The following TFAP2B variants were observed in gnomAD, a reference collection of about 807,000 sequenced individuals.
The protein encoded by TFAP2B is transcription factor AP-2-beta.
TFAP2B carries 9 observed loss-of-function variants against 44.3 expected under a neutral mutation model. The observed-to-expected ratio is 0.20, with a 90% CI of 0.12 to 0.35. The LOEUF is 0.35. TFAP2B is among the 10% of genes least tolerant of loss of function. The pLI is 1.00. For synonymous variants in TFAP2B, 270 were observed against 263.8 expected (o/e 1.02, Z -0.23); for missense variants, 509 against 600.0 (o/e 0.85, Z 1.59).
chr6:50,825,841 C>T (rs1256871017), intron 2 of TFAP2B, among the ~76,000 whole-genome samples: 1 of 152,074 alleles, frequency 6.6e-6, no homozygotes, highest in Non-Finnish European at 1.5e-5. Context: ...CCGGGAGGCC[C>T]ACGGGACCTT....
At chr6:50,835,969 G>C in intron 3 of TFAP2B, 92 bp from the exon 4 acceptor site, 1 of 1,035,734 alleles carries the variant, frequency 9.7e-7, no homozygotes, top group Non-Finnish European at 1.5e-6. Flanking sequence ...CTTGGTGTCT[G>C]TCCTGTGGCC....
intron 3 of TFAP2B, among the ~76,000 whole-genome samples, chr6:50,833,660 A>T (rs1213905828): frequency 6.6e-6 from 1 of 152,242 alleles, no homozygotes; most frequent in Non-Finnish European, 1.5e-5. Flanking sequence ...AGCAATATAC[A>T]TTCCCCAAAG....
At chr6:50,836,441 C>T (rs1046522837) in intron 4 of TFAP2B, among the ~76,000 whole-genome samples, 161 bp downstream of exon 4, 2 of 152,234 alleles carry the variant, frequency 1.3e-5, no homozygotes. Context: ...TTTCGCGCAG[C>T]GCTTGGGAGG....
chr6:50,818,446 G>A (rs1029561157), upstream of TFAP2B, among the ~76,000 whole-genome samples: 1 of 152,082 alleles, frequency 6.6e-6, no homozygotes. Context: ...TAGAAAATAG[G>A]GGACTGATGG....
upstream of TFAP2B, chr6:50,818,630 T>C (rs1378242800): frequency 1.5e-5 from 7 of 475,596 alleles, no homozygotes; most frequent in Admixed American, 1.0e-4. Flanking sequence ...CTTATATAAC[T>C]ATATGTGGGT....
At chr6:50,823,324 G>C (rs950801420) in intron 1 of TFAP2B, 83 bp from the exon 2 acceptor site, 2 of 1,222,718 alleles carry the variant, frequency 1.6e-6, no homozygotes, top group South Asian at 1.3e-5. Context: ...CTTCCTCTCT[G>C]TACTCTCTGT....
rs749248308 is a variant in TFAP2B, at chr6:50,843,314, C to G, written c.1305C>G (p.Asn435Lys). Residue 435 changes from asparagine (N) to lysine (K), a missense_variant, in exon 7 of 7, where the codon AAC (asparagine) becomes AAG (lysine). Around this residue, in one of 3 missense-constraint regions of TFAP2B, gnomAD observed 168 missense variants for 183.2 expected, o/e 0.92. Transcript: ENST00000393655. ...GCATGGACAAGATGTTCTTGAACAA[C>G]ACCACCACTAACAGGCACACGTCTG... ...LKGMDKMFLNNTTTNRHTSGE... is the reference protein window; with the variant it reads ...LKGMDKMFLNKTTTNRHTSGE... 1 of 1,614,124 alleles carries G rather than the reference C, an allele frequency of 6.2e-7. No individual in the cohort carries two copies. Among genetic ancestry groups the G allele is most frequent in the African/African-American group, 1.3e-5 (1 of 75,020 alleles).
intron 1 of TFAP2B, among the ~76,000 whole-genome samples, chr6:50,820,738 A>G (rs965845720): frequency 6.6e-6 from 1 of 152,280 alleles, no homozygotes; most frequent in Non-Finnish European, 1.5e-5. Context: ...GCACGGGGCC[A>G]TGGTGAAAAC....
chr6:50,838,823 A>T (rs1762671912), intron 5 of TFAP2B, among the ~76,000 whole-genome samples: 1 of 152,206 alleles, frequency 6.6e-6, no homozygotes, highest in Non-Finnish European at 1.5e-5. Flanking sequence ...TGTGGGAAAT[A>T]ATATGAAATA....
At chr6:50,831,163 T>C (rs1770658447) in intron 3 of TFAP2B, among the ~76,000 whole-genome samples, 1 of 152,238 alleles carries the variant, frequency 6.6e-6, no homozygotes, top group Admixed American at 6.5e-5. Context: ...CCATAGATTA[T>C]GGGCTCCCTC....
At chr6:50,831,892 T>C (rs2113943367) in intron 3 of TFAP2B, among the ~76,000 whole-genome samples, 1 of 152,302 alleles carries the variant, frequency 6.6e-6, no homozygotes, top group East Asian at 1.9e-4. Context: ...GGCATTTTCA[T>C]TGGTCTTAGG....
chr6:50,840,600 G>T (rs1335071084), intron 6 of TFAP2B, among the ~76,000 whole-genome samples: 1 of 152,124 alleles, frequency 6.6e-6, no homozygotes, highest in Non-Finnish European at 1.5e-5. Context: ...CCCTGGATCC[G>T]AAGGTGCATA....
intron 3 of TFAP2B, among the ~76,000 whole-genome samples, chr6:50,830,779 G>T (rs1770651059): frequency 6.6e-6 from 1 of 152,110 alleles, no homozygotes; most frequent in Admixed American, 6.5e-5. Context: ...GAGTTCATTA[G>T]CCCCTTCCCC....
rs577696601 is a variant in TFAP2B, at chr6:50,827,665, G to A, written c.541-954G>A. 5.1e-4 allele frequency among the ~76,000 whole-genome samples: 78 copies of A among 152,336 alleles called. 1 individual carries two copies. Among genetic ancestry groups the A allele is most frequent in the Admixed American group, 4.8e-3 (74 of 15,302 alleles). On this transcript the variant is annotated intron_variant, in intron 2 of 6. Transcript: ENST00000393655. ...TAGGTTTTGAAGGGTCAAGAAAGTA[G>A]TTGTAGATTTTAGAAAGACCTAGCA...
chr6:50,822,384 G>A (rs1181883138), intron 1 of TFAP2B, among the ~76,000 whole-genome samples: 1 of 152,064 alleles, frequency 6.6e-6, no homozygotes, highest in Admixed American at 6.5e-5. Flanking sequence ...AGCTGGGAGG[G>A]GAGAGGCCGA....
intron 6 of TFAP2B, among the ~76,000 whole-genome samples, 188 bp from the exon 7 acceptor site, chr6:50,842,904 C>T (rs553577542): frequency 3.9e-5 from 6 of 152,300 alleles, no homozygotes; most frequent in Non-Finnish European, 8.8e-5. Flanking sequence ...CTCCCCACCC[C>T]CGCTTTCCTT....
intron 2 of TFAP2B, among the ~76,000 whole-genome samples, 170 bp downstream of exon 2, chr6:50,824,035 T>C (rs1241477203): frequency 6.6e-6 from 1 of 152,260 alleles, no homozygotes; most frequent in Non-Finnish European, 1.5e-5. Flanking sequence ...TCTGTATGTA[T>C]GGCTCTATAG....
chr6:50,818,457 C>A (rs527505563), upstream of TFAP2B, among the ~76,000 whole-genome samples: 43 of 152,202 alleles, frequency 2.8e-4, 1 homozygote, highest in Non-Finnish European at 6.2e-4. Context: ...GGACTGATGG[C>A]CCCTGGTTTC....
chr6:50,841,580 C>T (rs758330827), intron 6 of TFAP2B, among the ~76,000 whole-genome samples: 7 of 152,204 alleles, frequency 4.6e-5, no homozygotes, highest in Non-Finnish European at 1.0e-4. Flanking sequence ...TGTCCAAGCA[C>T]TGTGGCTTCT....
Sources: allele counts gnomAD v4.1 joint callset (sites outside exome capture counted in the v4.1 genomes callset), GRCh38; gene constraint gnomAD v4.1.1; regional missense constraint gnomAD v4.1.1; transcripts MANE v1.5; gene names NCBI Gene and HGNC (gene_info 2026-07-23, HGNC 2026-07-21).